ACTN4: variants seen among roughly 807,000 people sequenced by gnomAD.
ACTN4 encodes the protein alpha-actinin-4.
Under a neutral mutation model 114.2 loss-of-function variants are expected in ACTN4, and 18 were observed. The observed-to-expected ratio is 0.16, with a 90% CI of 0.11 to 0.23. The LOEUF is 0.23. Ranked by LOEUF, ACTN4 falls within the 10% of genes least tolerant of loss-of-function variation. The pLI is 1.00. For missense variants in ACTN4, 722 were observed against 1,262.9 expected, an observed-to-expected ratio of 0.57 and a Z score of 6.49; for synonymous variants, 515 against 506.3, an observed-to-expected ratio of 1.02 and a Z score of -0.23.
At chr19:38,681,664 C>A (rs10408547) in intron 1 of ACTN4, among the ~76,000 whole-genome samples, 11,489 of 152,216 alleles carry the variant, frequency 0.075, 1,412 homozygotes, top group African/African-American at 0.26. Context: ...CTCCCTGTAG[C>A]GACTGGCTCG....
intron 1 of ACTN4, among the ~76,000 whole-genome samples, chr19:38,689,564 C>CA (rs1967856037): frequency 6.6e-6 from 1 of 152,212 alleles, no homozygotes; most frequent in African/African-American, 2.4e-5. Context: ...GTGGCGCTGT[C>CA]ATAGCTCACT....
At position 38,718,162 on chromosome 19, in the gene ACTN4, C is replaced by T. The variant is rs550226120; in HGVS notation, c.1291+88C>T. ...GGCATGCATGGGTGTGCACACACAG[C>T]CCCCTGCCACGTTGGGTCTGTTTCT... On this transcript the variant is annotated intron_variant, in intron 11 of 20. Coordinates refer to ENST00000252699, the MANE Select transcript of ACTN4 (RefSeq NM_004924.6). The T allele has an allele frequency of 3.2e-6, 5 of 1,543,708 alleles. No individual in the cohort carries two copies. In the African/African-American group the frequency reaches 4.1e-5, roughly 13 times the overall value.
At chr19:38,660,629 CAG>C (rs1976856816) in intron 1 of ACTN4, among the ~76,000 whole-genome samples, 1 of 152,186 alleles carries the variant, frequency 6.6e-6, no homozygotes, top group South Asian at 2.1e-4. Flanking sequence ...CTCCCAACCT[CAG>C]GTGACCCACC....
chr19:38,691,401 C>CAAA (rs34899917), intron 1 of ACTN4, among the ~76,000 whole-genome samples: 66 of 52,844 alleles, frequency 1.2e-3, no homozygotes, highest in East Asian at 5.6e-3. Flanking sequence ...AACTCCGTCT[C>CAAA]AAAAAAAAAA....
Position 38,647,691 on chromosome 19 carries a change from G to A in ACTN4, c.-55G>A, listed in dbSNP as rs1044435432. 417 of 1,508,928 alleles carry A rather than the reference G, an allele frequency of 2.8e-4. No homozygotes were observed. Among genetic ancestry groups the A allele is most frequent in the Non-Finnish European group, 3.6e-4 (408 of 1,129,700 alleles). 93.5% of individuals were successfully genotyped at this position (1,508,928 alleles called of 1,614,324 possible). A position where few individuals can be genotyped will look rare whatever the true frequency, so the allele number is the denominator to read the frequency against. The stretch of plus-strand genomic sequence containing the variant: ...GGTAGCGGCGGCGGCTCGGGCAGAG[G>A]GGCGGGAGCTGAGGCGGGAGCGGAC... On this transcript the variant is annotated 5_prime_UTR_variant, in exon 1 of 21. Coordinates refer to ENST00000252699, the MANE Select transcript of ACTN4 (RefSeq NM_004924.6).
rs1427021023 is a variant in ACTN4, at chr19:38,717,393, A to C, written c.1143+77A>C. 57 of 1,542,092 alleles carry C rather than the reference A, an allele frequency of 3.7e-5. No individual in the cohort carries two copies. The highest frequency in any genetic ancestry group is 8.8e-7 in the Non-Finnish European group (1 of 1,139,704). On this transcript the variant is annotated intron_variant, in intron 10 of 20. Coordinates refer to ENST00000252699, the MANE Select transcript of ACTN4 (RefSeq NM_004924.6). The surrounding 1 kb of genome is among the most constrained non-coding windows in gnomAD (Gnocchi z 4.0). The stretch of plus-strand genomic sequence containing the variant: ...AGAACTGCCTGTGGGCAGTTTGGCC[A>C]GCGTAATCTTTCCTAAGTTGTTGAT...
chr19:38,684,673 T>C (rs1271755403), intron 1 of ACTN4, among the ~76,000 whole-genome samples: 1 of 152,220 alleles, frequency 6.6e-6, no homozygotes, highest in Non-Finnish European at 1.5e-5. Flanking sequence ...GGAGCAATTA[T>C]GAGTCAGAGG....
At chr19:38,661,890 T>G (rs12977238) in intron 1 of ACTN4, among the ~76,000 whole-genome samples, 11,053 of 152,158 alleles carry the variant, frequency 0.073, 443 homozygotes, top group South Asian at 0.11. Flanking sequence ...CTGACCTCGT[T>G]ATCCGCCCGC....
intron 1 of ACTN4, among the ~76,000 whole-genome samples, chr19:38,655,667 G>A (rs926635756): frequency 6.6e-6 from 1 of 152,092 alleles, no homozygotes. Context: ...AGTTTCAAGT[G>A]TTAGTGCTTT....
Position 38,729,036 on chromosome 19 carries a change from C to G in ACTN4, c.2459C>G (p.Pro820Arg). Residue 820 changes from proline to arginine, a missense_variant, in exon 20 of 21, where the codon CCC becomes CGC. This residue lies in a region of ACTN4 where 523 missense variants were observed against 875.9 expected (regional missense o/e 0.60). Coordinates refer to ENST00000252699, the MANE Select transcript of ACTN4 (RefSeq NM_004924.6). ...EFNRIMSLVDPNHSGLVTFQA... is the reference protein window; with the variant it reads ...EFNRIMSLVDRNHSGLVTFQA... ...AACCGCATCATGAGCCTGGTCGACC[C>G]CAACCATAGCGGCCTTGTGACCTTC... 2 of 1,613,516 alleles carry G rather than the reference C, an allele frequency of 1.2e-6. No individual in the cohort carries two copies. The highest frequency in any genetic ancestry group is 1.7e-6 in the Non-Finnish European group (2 of 1,180,022).
Position 38,725,918 on chromosome 19 carries a change from C to G in ACTN4, c.2190+15C>G. 3 of 1,613,286 alleles carry G rather than the reference C, an allele frequency of 1.9e-6. No homozygotes were observed. Among genetic ancestry groups the G allele is most frequent in the Non-Finnish European group, 2.5e-6 (3 of 1,180,024 alleles). ...ATACCATGGAGGTGCGCGGCTGCCC[C>G]GCCCGCTGGCCTTTCCACCAGCATG... On this transcript the variant is annotated intron_variant, in intron 17 of 20. Transcript: ENST00000252699.
At chr19:38,648,887 G>A (rs1599751158) in intron 1 of ACTN4, among the ~76,000 whole-genome samples, 1 of 151,766 alleles carries the variant, frequency 6.6e-6, no homozygotes, top group East Asian at 2.0e-4. Flanking sequence ...TCGGTGGGAG[G>A]GAGGGTGAGC....
intron 1 of ACTN4, among the ~76,000 whole-genome samples, chr19:38,695,303 G>A (rs971141347): frequency 3.3e-5 from 5 of 152,230 alleles, no homozygotes; most frequent in Admixed American, 2.0e-4. Context: ...CCACTGCCAC[G>A]TTCTGGACAG....
chr19:38,672,871 C>A (rs1967176458), intron 1 of ACTN4, among the ~76,000 whole-genome samples: 1 of 152,052 alleles, frequency 6.6e-6, no homozygotes, highest in African/African-American at 2.4e-5. Context: ...CCATGCCCGG[C>A]CCCTGTAACC....
rs541182362 is a variant in ACTN4 at position 38,731,582 on chromosome 19, C to T, written c.*2150C>T. On this transcript the variant is annotated 3_prime_UTR_variant, in exon 21 of 21. Coordinates refer to ENST00000252699, the MANE Select transcript of ACTN4 (RefSeq NM_004924.6). ...GTGCAGCAAAAAATATAGTCAATCC[C>T]ATATGGAGTCAGTTTCCTTACAGTC... 9.6e-6 allele frequency: 3 copies of T among 312,428 alleles called. No individual in the cohort carries two copies. The highest frequency in any genetic ancestry group is 3.7e-5 in the South Asian group (1 of 27,184). The allele number at this position is 312,428 out of a possible 1,614,324, so 19.4% of individuals were successfully genotyped here.
intron 4 of ACTN4, 22 bp from the exon 5 acceptor site, chr19:38,706,022 A>T: frequency 6.2e-7 from 1 of 1,613,216 alleles, no homozygotes; most frequent in Non-Finnish European, 8.5e-7. Context: ...GCCAGTGCTC[A>T]CTGTCTTTGT....
At chr19:38,728,359 T>A in intron 19 of ACTN4, 1 of 1,422,592 alleles carries the variant, frequency 7.0e-7, no homozygotes, top group Non-Finnish European at 9.4e-7. Context: ...AGGGCTCTGC[T>A]TATCTCCACA....
At chr19:38,700,479 G>A (rs1437016695) in intron 1 of ACTN4, 121 bp from the exon 2 acceptor site, 6 of 795,238 alleles carry the variant, frequency 7.5e-6, no homozygotes, top group South Asian at 2.8e-5. Flanking sequence ...GGTGTGTGTC[G>A]GCGAGTGCTC....
chr19:38,648,468 A>G lies in ACTN4; in HGVS notation c.162+561A>G, dbSNP rs544137570. On this transcript the variant is annotated intron_variant, in intron 1 of 20. Transcript: ENST00000252699. ...AGAATCAAGTGTGAGGATGGAGTGGAGATTGTGGGGTCTGAAGACGGGTGG... is the reference window on the plus strand; with the variant it reads ...AGAATCAAGTGTGAGGATGGAGTGGGGATTGTGGGGTCTGAAGACGGGTGG... Among the ~76,000 whole-genome samples the G allele has an allele frequency of 2.6e-5, 4 of 151,696 alleles. No individual in the cohort carries two copies. The East Asian group carries it at 5.8e-4, about 22-fold the overall frequency.
Sources: gnomAD v4.1 joint callset for allele counts (sites outside exome capture counted in the v4.1 genomes callset) on GRCh38, gnomAD v4.1.1 for gene constraint, gnomAD v4.1.1 regional missense constraint, Gnocchi (gnomAD v3.1) non-coding constraint, MANE v1.5 for transcripts, NCBI Gene and HGNC (gene_info 2026-07-23, HGNC 2026-07-21) for gene names.